The following TAF3 variants were observed in gnomAD, a reference collection of about 807,000 sequenced individuals.
TAF3 encodes transcription initiation factor TFIID subunit 3.
In TAF3, 7 loss-of-function variants were observed where a neutral mutation model predicts 80.6. That is an observed-to-expected ratio of 0.09 (90% confidence interval 0.05 to 0.16). The LOEUF is 0.16. Ranked by LOEUF, TAF3 falls within the 10% of genes least tolerant of loss-of-function variation. The probability of loss-of-function intolerance (pLI) is 1.00; values close to 1 mark genes in which losing one functional copy is unlikely to be tolerated. For synonymous variants in TAF3, 444 were observed against 446.1 expected, an observed-to-expected ratio of 1.00 and a Z score of 0.06; for missense variants, 921 against 1,140.2, an observed-to-expected ratio of 0.81 and a Z score of 2.77.
At chr10:8,007,577 T>C in intron 4 of TAF3, among the ~76,000 whole-genome samples, 1 of 58,998 alleles carries the variant, frequency 1.7e-5, no homozygotes, top group Non-Finnish European at 4.2e-5. Flanking sequence ...TATATATATA[T>C]ATATATATAT....
intron 2 of TAF3, among the ~76,000 whole-genome samples, chr10:7,893,598 C>T (rs990269186): frequency 3.3e-5 from 5 of 152,052 alleles, no homozygotes; most frequent in African/African-American, 1.2e-4. Flanking sequence ...CATGTTTTGT[C>T]CCATCTTTTT....
At chr10:7,821,737 A>G (rs1247168659) in intron 1 of TAF3, among the ~76,000 whole-genome samples, 2 of 152,220 alleles carry the variant, frequency 1.3e-5, no homozygotes, top group South Asian at 4.1e-4. Context: ...CTAGTACTGT[A>G]ATATTTTTTT....
chr10:7,865,284 AGTGAAACCCT>A (rs1377371894), intron 2 of TAF3, among the ~76,000 whole-genome samples: 1 of 152,132 alleles, frequency 6.6e-6, no homozygotes, highest in Non-Finnish European at 1.5e-5. Context: ...TGGCTTACAC[AGTGAAACCCT>A]GTAGAGACAG....
rs557753120 is a variant in TAF3, at chr10:7,848,973, C to T, written c.409+24413C>T. Among the ~76,000 whole-genome samples, 7 of 152,208 alleles carry T rather than the reference C, an allele frequency of 4.6e-5. No homozygotes were observed. In the South Asian group the frequency reaches 1.2e-3, roughly 27 times the overall value. On this transcript the variant is annotated intron_variant, in intron 2 of 6. Coordinates refer to ENST00000344293, the MANE Select transcript of TAF3 (RefSeq NM_031923.4). ...GGGTGTTTTTGAGACTTTCCTTTTTCAGCTTTGTCTTTCTGAATGGTAGTA... is the reference window on the plus strand; with the variant it reads ...GGGTGTTTTTGAGACTTTCCTTTTTTAGCTTTGTCTTTCTGAATGGTAGTA...
At chr10:8,014,592 ATGTC>A in intron 6 of TAF3, 41 bp from the exon 7 acceptor site, 1 of 1,507,506 alleles carries the variant, frequency 6.6e-7, no homozygotes, top group African/African-American at 1.4e-5. Flanking sequence ...AGAAGAATAG[ATGTC>A]TGTATAAAAG....
At chr10:7,824,938 G>A (rs921096690) in intron 2 of TAF3, among the ~76,000 whole-genome samples, 12 of 152,334 alleles carry the variant, frequency 7.9e-5, no homozygotes, top group Non-Finnish European at 1.8e-4. Context: ...TTCAGGCCAT[G>A]AGTTGAATGC....
chr10:7,905,895 T>A (rs558200949), intron 2 of TAF3, among the ~76,000 whole-genome samples: 6 of 151,684 alleles, frequency 4.0e-5, no homozygotes, highest in South Asian at 2.1e-4. Flanking sequence ...AAAAAAAAAA[T>A]TTAGCAAAGA....
chr10:7,980,934 C>A (rs1200320715), intron 4 of TAF3, among the ~76,000 whole-genome samples: 1 of 152,156 alleles, frequency 6.6e-6, no homozygotes, highest in East Asian at 1.9e-4. Flanking sequence ...GGCTAACTTA[C>A]AGTGTTCATC....
intron 2 of TAF3, among the ~76,000 whole-genome samples, chr10:7,873,623 C>CGT (rs549284685): frequency 0.018 from 1,711 of 96,536 alleles, 57 homozygotes; most frequent in Non-Finnish European, 0.029. Flanking sequence ...GTTCTCCCCC[C>CGT]CCCCCCGTCA....
At chr10:7,946,906 C>CT (rs1228222071) in intron 2 of TAF3, among the ~76,000 whole-genome samples, 1 of 152,094 alleles carries the variant, frequency 6.6e-6, no homozygotes, top group Non-Finnish European at 1.5e-5. Context: ...CTCGTTAAAA[C>CT]TTTTCTTTTT....
At chr10:7,891,558 T>C (rs1028352923) in intron 2 of TAF3, among the ~76,000 whole-genome samples, 3 of 152,220 alleles carry the variant, frequency 2.0e-5, no homozygotes, top group Non-Finnish European at 2.9e-5. Context: ...TTTCTGAAGA[T>C]ACCAGTAACC....
Position 7,923,268 on chromosome 10 carries a change from AGTG to A in TAF3, c.410-40649_410-40647del, listed in dbSNP as rs546574678. ...AAAAATATTTTTTAAAAAATAGAGT[AGTG>A]GTAAGAACAGGGTGTCAGATGTAAT... On this transcript the variant is annotated intron_variant, in intron 2 of 6. Coordinates refer to ENST00000344293, the MANE Select transcript of TAF3 (RefSeq NM_031923.4). Among the ~76,000 whole-genome samples, 655 of 152,200 alleles carry A rather than the reference AGTG, an allele frequency of 4.3e-3. 5 individuals carry two copies. The highest frequency in any genetic ancestry group is 4.7e-3 in the Non-Finnish European group (319 of 67,930).
At chr10:7,990,129 T>A (rs1831820109) in intron 4 of TAF3, among the ~76,000 whole-genome samples, 1 of 152,220 alleles carries the variant, frequency 6.6e-6, no homozygotes, top group African/African-American at 2.4e-5. Context: ...TGGTTTTGAA[T>A]ATATCTCTAA....
chr10:7,853,320 A>G (rs1419120604), intron 2 of TAF3, among the ~76,000 whole-genome samples: 2 of 152,208 alleles, frequency 1.3e-5, no homozygotes, highest in Non-Finnish European at 2.9e-5. Context: ...TCCCAACTCC[A>G]CATGTGGGGG....
At chr10:7,983,457 A>G (rs1195983611) in intron 4 of TAF3, among the ~76,000 whole-genome samples, 1 of 152,226 alleles carries the variant, frequency 6.6e-6, no homozygotes, top group Non-Finnish European at 1.5e-5. Flanking sequence ...GATACTTTAG[A>G]TGTAACGTTT....
Position 7,897,088 on chromosome 10 carries a change from T to A in TAF3, c.410-66832T>A, listed in dbSNP as rs1366466759. ...ATCCTCATGCTTTGAATCCCCAACT[T>A]CTTCTTCTGCTACCAGCCAGGGAAG... On this transcript the variant is annotated intron_variant, in intron 2 of 6. Coordinates refer to ENST00000344293, the MANE Select transcript of TAF3 (RefSeq NM_031923.4). 2.0e-5 allele frequency among the ~76,000 whole-genome samples: 3 copies of A among 152,216 alleles called. No individual in the cohort carries two copies. The East Asian group carries it at 5.8e-4, about 29-fold the overall frequency.
chr10:7,826,471 TACTG>T (rs771191621), intron 2 of TAF3, among the ~76,000 whole-genome samples: 2,511 of 152,286 alleles, frequency 0.016, 32 homozygotes, highest in Non-Finnish European at 0.027. Flanking sequence ...GTTGTTTTGA[TACTG>T]ACTTCTGGCT....
At chr10:7,859,348 C>T (rs1459365909) in intron 2 of TAF3, among the ~76,000 whole-genome samples, 1 of 152,052 alleles carries the variant, frequency 6.6e-6, no homozygotes, top group East Asian at 1.9e-4. Flanking sequence ...TCTACATATA[C>T]ACATCCTGCC....
Position 7,964,590 on chromosome 10 carries a change from A to G in TAF3, c.1080A>G (p.Lys360=), listed in dbSNP as rs1203240082. The change falls in exon 3 of 7, where the codon AAA becomes AAG. Residue 360 remains lysine (K), a synonymous_variant. Coordinates refer to ENST00000344293, the MANE Select transcript of TAF3 (RefSeq NM_031923.4). The surrounding 1 kb of genome is among the most constrained non-coding windows in gnomAD (Gnocchi z 4.1). ...TCAGTAAAGAGACTATCCAGGTAAA[A>G]CAAATACAGACACCCCCTGATGCTG... is the stretch of plus-strand genomic sequence containing the variant. The part of the protein sequence containing the change: ...EKISKETIQV[K]QIQTPPDAGK... 6.2e-7 allele frequency: 1 copy of G among 1,614,122 alleles called. No individual in the cohort carries two copies. The highest frequency in any genetic ancestry group is 8.5e-7 in the Non-Finnish European group (1 of 1,180,034).
Sources: allele counts gnomAD v4.1 joint callset (sites outside exome capture counted in the v4.1 genomes callset), GRCh38; gene constraint gnomAD v4.1.1; non-coding constraint Gnocchi (gnomAD v3.1); transcripts MANE v1.5; gene names NCBI Gene and HGNC (gene_info 2026-07-23, HGNC 2026-07-21).